The following PRRC2B variants were observed in gnomAD, a reference collection of about 807,000 sequenced individuals.
The protein encoded by PRRC2B is protein PRRC2B.
In PRRC2B, 68 loss-of-function variants were observed where a neutral mutation model predicts 242.3. The ratio of observed to expected loss-of-function variants is 0.28; its 90% CI spans 0.23 to 0.34. PRRC2B has a LOEUF of 0.34. Ranked by LOEUF, PRRC2B falls within the 10% of genes least tolerant of loss-of-function variation. The pLI, the probability that PRRC2B is intolerant of heterozygous loss-of-function variation, is 1.00. For missense variants in PRRC2B, 2,835 were observed against 2,954.8 expected (o/e 0.96, Z 0.94); for synonymous variants, 1,228 against 1,173.6 (o/e 1.05, Z -0.95).
At chr9:131,443,646 G>A (rs1039971648) in intron 5 of PRRC2B, among the ~76,000 whole-genome samples, 52 of 151,970 alleles carry the variant, frequency 3.4e-4, no homozygotes, top group African/African-American at 1.2e-3. Flanking sequence ...GCCCAGGCCG[G>A]TCTTGAACTC....
At chr9:131,490,385 C>T (rs1024123833) in intron 28 of PRRC2B, 8 of 508,408 alleles carry the variant, frequency 1.6e-5, no homozygotes, top group Non-Finnish European at 3.1e-5. Flanking sequence ...TACCCCAAGT[C>T]AGCACTCTAT....
At chr9:131,415,392 C>G (rs1001363773) in intron 1 of PRRC2B, among the ~76,000 whole-genome samples, 1 of 151,430 alleles carries the variant, frequency 6.6e-6, no homozygotes, top group African/African-American at 2.5e-5. Context: ...TCATTAGAAC[C>G]GGAGCTGGGC....
Position 131,494,531 on chromosome 9 carries a change from C to A in PRRC2B, c.6555+45C>A. The stretch of plus-strand genomic sequence containing the variant: ...ACCCTTCAGCCCTGGACACTTAGGC[C>A]CGTCTCCAAGCGCCAAAAGAGAAGG... On this transcript the variant is annotated intron_variant, in intron 31 of 31. Coordinates refer to ENST00000683519, the MANE Select transcript of PRRC2B (RefSeq NM_013318.4). This position sits in a 1 kb window ranked among gnomAD's most constrained non-coding sequence, Gnocchi z 4.3. 1 of 1,102,200 alleles carries A rather than the reference C, an allele frequency of 9.1e-7. No homozygotes were observed. Among genetic ancestry groups the A allele is most frequent in the Non-Finnish European group, 1.3e-6 (1 of 744,006 alleles). 68.3% of individuals were successfully genotyped at this position (1,102,200 alleles called of 1,614,324 possible). A position where few individuals can be genotyped will look rare whatever the true frequency, so the allele number is the denominator to read the frequency against.
At chr9:131,408,976 C>G (rs1837437401) in intron 1 of PRRC2B, among the ~76,000 whole-genome samples, 2 of 151,152 alleles carry the variant, frequency 1.3e-5, no homozygotes, top group South Asian at 2.1e-4. Flanking sequence ...CCCTCGGCCT[C>G]CCAAAGTGCT....
intron 9 of PRRC2B, among the ~76,000 whole-genome samples, chr9:131,452,799 A>G (rs938682530): frequency 6.6e-6 from 1 of 152,198 alleles, no homozygotes; most frequent in Non-Finnish European, 1.5e-5. Context: ...CACATTCTGT[A>G]TGATTTCAGT....
rs757669866 is a variant in PRRC2B, at chr9:131,475,320, C to CCCGGGG, written c.3201_3206dup (p.Arg1069_Gly1070dup). On this transcript the variant is annotated inframe_insertion, in exon 16 of 32. Transcript: ENST00000683519. ...CAAGCCTTTGGGGTCAGAGGACAGGCCCGGGGCCGGGGCCGTGGTTTCAGA... is the reference window on the plus strand; with the variant it reads ...CAAGCCTTTGGGGTCAGAGGACAGGCCCGGGGCCGGGGCCGGGGCCGTGGTTTCAGA... 1.6e-4 allele frequency: 250 copies of CCCGGGG among 1,597,718 alleles called. 1 individual carries two copies. Among genetic ancestry groups the CCCGGGG allele is most frequent in the Non-Finnish European group, 2.0e-4 (236 of 1,173,052 alleles).
chr9:131,381,867 G>A lies in PRRC2B; in HGVS notation c.-56+8136G>A, dbSNP rs528733566. On this transcript the variant is annotated intron_variant, in intron 1 of 1. Coordinates refer to the PRRC2B transcript ENST00000682525. ...CGATTCTTGTGCCTCAGCCTCCTGC[G>A]TCACTGGGACTACGGGCACGTACCA... Among the ~76,000 whole-genome samples the A allele has an allele frequency of 3.4e-4, 52 of 151,660 alleles. No individual in the cohort carries two copies. The South Asian group carries it at 8.5e-3, about 25-fold the overall frequency.
In PRRC2B at chr9:131,494,263, C is replaced by T; in HGVS notation, c.6474-142C>T. The T allele has an allele frequency of 1.7e-6, 1 of 600,472 alleles. No homozygotes were observed. Among genetic ancestry groups the T allele is most frequent in the Non-Finnish European group, 3.0e-6 (1 of 336,202 alleles). The allele number at this position is 600,472 out of a possible 1,614,324, so 37.2% of individuals were successfully genotyped here. On this transcript the variant is annotated intron_variant, in intron 30 of 31. Transcript: ENST00000683519. The surrounding 1 kb of genome is among the most constrained non-coding windows in gnomAD (Gnocchi z 4.3). ...CTTAGGTCTGTGGTTGTTTTCCATC[C>T]AAGAGATCCACGGACCGTCCCGAGT...
intron 19 of PRRC2B, among the ~76,000 whole-genome samples, chr9:131,480,969 A>G (rs1943843441): frequency 6.6e-6 from 1 of 151,894 alleles, no homozygotes; most frequent in East Asian, 1.9e-4. Flanking sequence ...TCAGGAGTTC[A>G]AGACCAGCAA....
At position 131,420,486 on chromosome 9, in the gene PRRC2B, T is replaced by TTTCC. The variant is rs1214915189; in HGVS notation, c.-51-9605_-51-9604insCTTC. Among the ~76,000 whole-genome samples the TTTCC allele has an allele frequency of 3.7e-3, 68 of 18,276 alleles. 1 individual carries two copies. The highest frequency in any genetic ancestry group is 7.7e-3 in the African/African-American group (65 of 8,466). 12.0% of individuals were successfully genotyped at this position (18,276 alleles called of 152,430 possible). A position where few individuals can be genotyped will look rare whatever the true frequency, so the allele number is the denominator to read the frequency against. On this transcript the variant is annotated intron_variant, in intron 1 of 31. Transcript: ENST00000683519. ...CTTTCTTTCTTTCTTTCTTTCTTTC[T>TTTCC]TTCTTTCTTTTTTTTTTTTTTTTTG...
In PRRC2B at chr9:131,475,749, C is replaced by G; in HGVS notation, c.3620C>G (p.Pro1207Arg). ...CGGGCCTTTGGGCGAGCCCTCCCTC[C>G]CCGGCTGAGCAATTGCGGGTATGGA... is the stretch of plus-strand genomic sequence containing the variant. ...GPRAFGRALP[P>R]RLSNCGYGRR... Residue 1207 changes from proline to arginine, a missense_variant, in exon 16 of 32, where the codon CCC (proline) becomes CGC (arginine). This residue lies in a region of PRRC2B where 1,536 missense variants were observed against 1,483.1 expected (regional missense o/e 1.04). Transcript: ENST00000683519. 1 of 1,613,482 alleles carries G rather than the reference C, an allele frequency of 6.2e-7. No individual in the cohort carries two copies. Among genetic ancestry groups the G allele is most frequent in the South Asian group, 1.1e-5 (1 of 91,032 alleles).
At position 131,494,107 on chromosome 9, in the gene PRRC2B, C is replaced by T. The variant is rs959974186; in HGVS notation, c.6474-298C>T. Among the ~76,000 whole-genome samples the T allele has an allele frequency of 6.6e-6, 1 of 152,218 alleles. No individual in the cohort carries two copies. Among genetic ancestry groups the T allele is most frequent in the Non-Finnish European group, 1.5e-5 (1 of 68,044 alleles). On this transcript the variant is annotated intron_variant, in intron 30 of 31. Coordinates refer to ENST00000683519, the MANE Select transcript of PRRC2B (RefSeq NM_013318.4). The surrounding 1 kb of genome is among the most constrained non-coding windows in gnomAD (Gnocchi z 4.3). ...ACGGCCAGTGTCGCTTTCTGCACAGCAGGACAGCCATGCCCATCTGTACAG... is the reference window on the plus strand; with the variant it reads ...ACGGCCAGTGTCGCTTTCTGCACAGTAGGACAGCCATGCCCATCTGTACAG...
At chr9:131,430,559 GTA>G (rs1323755825) in intron 2 of PRRC2B, among the ~76,000 whole-genome samples, 2,447 of 98,884 alleles carry the variant, frequency 0.025, 32 homozygotes, top group African/African-American at 0.043. Context: ...AGGTGTGTGT[GTA>G]TGTGTGTGTG....
intron 1 of PRRC2B, among the ~76,000 whole-genome samples, chr9:131,386,500 A>C (rs924492389): frequency 2.7e-5 from 4 of 150,196 alleles, no homozygotes; most frequent in African/African-American, 7.3e-5. Flanking sequence ...GATCTGCCCG[A>C]GGAACAGAGC....
chr9:131,399,226 G>A (rs1837153721), intron 1 of PRRC2B, among the ~76,000 whole-genome samples: 2 of 144,718 alleles, frequency 1.4e-5, no homozygotes, highest in South Asian at 4.4e-4. Context: ...GCAGTGAGCC[G>A]AGATTGTGCC....
chr9:131,407,740 G>A (rs967758743), intron 1 of PRRC2B, among the ~76,000 whole-genome samples: 38 of 152,140 alleles, frequency 2.5e-4, no homozygotes, highest in African/African-American at 4.8e-5. Flanking sequence ...GTTGATGAAC[G>A]TCTCTATAGC....
intron 26 of PRRC2B, chr9:131,486,626 T>A: frequency 3.9e-6 from 3 of 776,324 alleles, no homozygotes; most frequent in Non-Finnish European, 4.7e-6. Context: ...TTTGGAAGTC[T>A]CCCCTCTAAT....
intron 1 of PRRC2B, among the ~76,000 whole-genome samples, chr9:131,428,559 G>A (rs1379765310): frequency 1.3e-5 from 2 of 151,892 alleles, no homozygotes; most frequent in East Asian, 3.9e-4. Context: ...ACCATCTCTG[G>A]CTAATTTGTG....
chr9:131,469,700 G>A (rs764557126), intron 13 of PRRC2B, among the ~76,000 whole-genome samples: 19 of 152,332 alleles, frequency 1.2e-4, no homozygotes, highest in South Asian at 6.2e-4. Flanking sequence ...CTGCCTCAAG[G>A]CCAATTCAGG....
Sources: gnomAD v4.1 joint callset for allele counts (sites outside exome capture counted in the v4.1 genomes callset) on GRCh38, gnomAD v4.1.1 for gene constraint, gnomAD v4.1.1 regional missense constraint, Gnocchi (gnomAD v3.1) non-coding constraint, MANE v1.5 for transcripts, NCBI Gene and HGNC (gene_info 2026-07-23, HGNC 2026-07-21) for gene names.